The following POLK variants were observed in gnomAD, a reference collection of about 807,000 sequenced individuals.
POLK encodes the protein DNA polymerase kappa, also known as polymerase (DNA directed) kappa.
A neutral mutation model predicts 94.0 loss-of-function variants in POLK; 76 were observed. The ratio of observed to expected loss-of-function variants is 0.81; its 90% confidence interval spans 0.67 to 0.98. The LOEUF is 0.98. Among genes scored for constraint, POLK ranks in the 50% least tolerant of loss-of-function variants. POLK has a pLI of 0.00. For missense variants in POLK, 954 were observed against 1,010.1 expected, an observed-to-expected ratio of 0.94 and a Z score of 0.75; for synonymous variants, 349 against 325.4, an observed-to-expected ratio of 1.07 and a Z score of -0.78.
intron 6 of POLK, 73 bp from the exon 7 acceptor site, chr5:75,581,136 T>G (rs111536411): frequency 9.4e-7 from 1 of 1,061,876 alleles, no homozygotes; most frequent in Non-Finnish European, 1.4e-6. Flanking sequence ...TCAGAAATAA[T>G]GTAGGGAAAC....
At chr5:75,572,472 A>C (rs963004) in intron 4 of POLK, among the ~76,000 whole-genome samples, 16,377 of 152,178 alleles carry the variant, frequency 0.11, 1,031 homozygotes, top group South Asian at 0.17. Flanking sequence ...CTATTACTTT[A>C]TATAATGTAA....
chr5:75,596,267 A>T, exon 13 of POLK: 2 of 1,612,910 alleles, frequency 1.2e-6, no homozygotes, highest in Non-Finnish European at 1.7e-6. Context: ...AGGAAACACC[A>T]ACAAAGGAGC....
chr5:75,600,295 C>G (rs996629525), exon 15 of POLK: 6 of 152,040 alleles, frequency 3.9e-5, no homozygotes, highest in African/African-American at 1.4e-4. Context: ...ACATCTTTAC[C>G]TTATTTGCAA....
chr5:75,543,063 C>T (rs781662799), intron 1 of POLK, among the ~76,000 whole-genome samples: 8 of 135,858 alleles, frequency 5.9e-5, no homozygotes, highest in Middle Eastern at 4.2e-3. Flanking sequence ...ATTTTTGAGA[C>T]GGAGTCCCAT....
intron 9 of POLK, among the ~76,000 whole-genome samples, chr5:75,585,452 T>G (rs773948591): frequency 2.6e-5 from 4 of 152,034 alleles, no homozygotes; most frequent in Non-Finnish European, 5.9e-5. Flanking sequence ...GTGTGAGAGA[T>G]AGAAAATAAC....
intron 2 of POLK, among the ~76,000 whole-genome samples, chr5:75,550,857 A>G (rs1247593285): frequency 2.0e-5 from 3 of 152,190 alleles, no homozygotes; most frequent in Non-Finnish European, 2.9e-5. Context: ...GAACAAGGCA[A>G]GAATGTCCAC....
intron 3 of POLK, among the ~76,000 whole-genome samples, chr5:75,559,505 G>GTTTGTTTTTTT (rs1770841566): frequency 1.4e-5 from 1 of 70,080 alleles, no homozygotes; most frequent in African/African-American, 4.8e-5. Flanking sequence ...TTTGGGGTTT[G>GTTTGTTTTTTT]TTTTTTTGTT....
chr5:75,539,254 C>CT (rs762897779), intron 1 of POLK, among the ~76,000 whole-genome samples: 3,390 of 141,644 alleles, frequency 0.024, 37 homozygotes, highest in Non-Finnish European at 0.028. Context: ...CTTCTTGCTG[C>CT]TTTTTTTTTT....
chr5:75,535,139 A>C (rs1769380553), intron 1 of POLK, among the ~76,000 whole-genome samples: 1 of 152,234 alleles, frequency 6.6e-6, no homozygotes, highest in South Asian at 2.1e-4. Context: ...GACCTCAGTA[A>C]GGCAGGTATA....
At chr5:75,550,616 A>G (rs1770290328) in intron 2 of POLK, among the ~76,000 whole-genome samples, 1 of 152,104 alleles carries the variant, frequency 6.6e-6, no homozygotes, top group Admixed American at 6.6e-5. Flanking sequence ...CTGAAAATCA[A>G]TTAATGTAAT....
At chr5:75,549,469 G>A (rs947804225) in intron 2 of POLK, among the ~76,000 whole-genome samples, 4 of 151,408 alleles carry the variant, frequency 2.6e-5, no homozygotes, top group African/African-American at 9.7e-5. Flanking sequence ...TCTTTTTCAA[G>A]AATATCTTGA....
At chr5:75,581,577 T>G in intron 7 of POLK, 129 bp downstream of exon 7, 1 of 775,356 alleles carries the variant, frequency 1.3e-6, no homozygotes, top group Non-Finnish European at 2.1e-6. Context: ...TCATTCAACT[T>G]CTAACAACTT....
At chr5:75,589,107 CAT>C (rs1772617349) in intron 10 of POLK, among the ~76,000 whole-genome samples, 1 of 152,014 alleles carries the variant, frequency 6.6e-6, no homozygotes, top group East Asian at 1.9e-4. Flanking sequence ...GATTTAGTCA[CAT>C]GTCATTTTAC....
chr5:75,560,925 TTTGGG>T (rs1359012501), intron 3 of POLK, among the ~76,000 whole-genome samples: 1 of 152,238 alleles, frequency 6.6e-6, no homozygotes, highest in African/African-American at 2.4e-5. Context: ...TTGATGGGCA[TTTGGG>T]TTGGTTCCAA....
In POLK at chr5:75,590,328, A is replaced by G. The variant is rs1360936448; in HGVS notation, c.1260-16A>G. 1.4e-6 allele frequency: 2 copies of G among 1,470,210 alleles called. No homozygotes were observed. The highest frequency in any genetic ancestry group is 1.9e-6 in the Non-Finnish European group (2 of 1,070,456). The allele number at this position is 1,470,210 out of a possible 1,614,324, so 91.1% of individuals were successfully genotyped here. A position where few individuals can be genotyped will look rare whatever the true frequency, so the allele number is the denominator to read the frequency against. ...ATAGTTTACTTTGTGCGCCAAAATT[A>G]TTCTTGTCTTTCTAGGACATTCAGT... On this transcript the variant is annotated splice_polypyrimidine_tract_variant and intron_variant, in intron 10 of 14. Coordinates refer to ENST00000241436, the Ensembl canonical transcript of POLK.
Position 75,596,268 on chromosome 5 carries a change from A to G in POLK, c.1575A>G (p.Gln525=), listed in dbSNP as rs745707021. 6 of 1,612,986 alleles carry G rather than the reference A, an allele frequency of 3.7e-6. 1 individual carries two copies. In the South Asian group the frequency reaches 6.6e-5, roughly 18 times the overall value. Residue 525 remains glutamine, a synonymous_variant, in exon 13 of 15, where the codon CAA becomes CAG. Transcript: ENST00000241436. ...CCAATGAAGAGGACAGGAAACACCA[A>G]CAAAGGAGCATTATTGGCTTTTTAC...
intron 4 of POLK, among the ~76,000 whole-genome samples, chr5:75,570,001 T>A (rs1007736389): frequency 6.6e-6 from 1 of 152,164 alleles, no homozygotes; most frequent in East Asian, 1.9e-4. Flanking sequence ...GATTCTACAT[T>A]ATGGTGAGTT....
chr5:75,596,360 TA>T lies in POLK; in HGVS notation c.1671del (p.Lys557AsnfsTer3). 1 of 1,613,632 alleles carries T rather than the reference TA, an allele frequency of 6.2e-7. No homozygotes were observed. The highest frequency in any genetic ancestry group is 8.5e-7 in the Non-Finnish European group (1 of 1,179,542). On this transcript the variant is annotated frameshift_variant, in exon 13 of 15. Coordinates refer to ENST00000241436, the Ensembl canonical transcript of POLK. LOFTEE classifies it high-confidence loss of function. ...GAGAAAACTGACAAAGATAAGTTTG[TA>T]AAACCTCTAGAAATGTCTCATAAGA...
chr5:75,589,438 C>CACACACACAT (rs59250485), intron 10 of POLK, among the ~76,000 whole-genome samples: 3 of 143,992 alleles, frequency 2.1e-5, no homozygotes, highest in African/African-American at 7.7e-5. Flanking sequence ...CACACACACA[C>CACACACACAT]GTGGAATATT....
Sources: allele counts gnomAD v4.1 joint callset (sites outside exome capture counted in the v4.1 genomes callset), GRCh38; gene constraint gnomAD v4.1.1; transcripts MANE v1.5; gene names NCBI Gene and HGNC (gene_info 2026-07-23, HGNC 2026-07-21).